IFT56: variants seen among roughly 807,000 people sequenced by gnomAD.
IFT56 encodes the protein intraflagellar transport 56.
the IFT56 span, among the ~76,000 whole-genome samples, chr7:139,182,820 A>T: frequency 6.6e-6 from 1 of 152,204 alleles, no homozygotes; most frequent in Admixed American, 6.5e-5. Flanking sequence ...GCTTTTCATT[A>T]CTTTTTCTTG....
the IFT56 span, chr7:139,172,964 G>A: frequency 6.9e-6 from 5 of 726,946 alleles, no homozygotes; most frequent in East Asian, 2.7e-5. Context: ...TGCTGCTGGC[G>A]CTTGGGCTGA....
At chr7:139,163,172 G>A in the IFT56 span, among the ~76,000 whole-genome samples, 3 of 151,554 alleles carry the variant, frequency 2.0e-5, no homozygotes, top group South Asian at 2.1e-4. Context: ...GTGAAACCCC[G>A]TCTCTACCAA....
At chr7:139,153,592 C>T in the IFT56 span, among the ~76,000 whole-genome samples, 1 of 152,136 alleles carries the variant, frequency 6.6e-6, no homozygotes, top group Non-Finnish European at 1.5e-5. Flanking sequence ...AATATTTGGT[C>T]TTTATGATCG....
chr7:139,179,629 G>A, the IFT56 span: 1 of 1,613,458 alleles, frequency 6.2e-7, no homozygotes, highest in East Asian at 2.2e-5. Context: ...TACCTCAGCT[G>A]GTTAGCTCGG....
chr7:139,139,948 C>T, the IFT56 span: 1 of 1,612,960 alleles, frequency 6.2e-7, no homozygotes, highest in Non-Finnish European at 8.5e-7. Flanking sequence ...GTGAACCTAG[C>T]TTGCACCTAC....
At chr7:139,161,731 A>G in the IFT56 span, among the ~76,000 whole-genome samples, 20,777 of 152,026 alleles carry the variant, frequency 0.14, 2,754 homozygotes, top group African/African-American at 0.3. Context: ...TTTATCTCCA[A>G]TCTCTATTCA....
the IFT56 span, chr7:139,169,171 G>T: frequency 1.2e-6 from 1 of 861,532 alleles, no homozygotes; most frequent in Non-Finnish European, 1.8e-6. Flanking sequence ...GTATTGTTTG[G>T]GGCAAGATTT....
the IFT56 span, among the ~76,000 whole-genome samples, chr7:139,145,223 T>G: frequency 6.6e-6 from 1 of 152,204 alleles, no homozygotes; most frequent in Non-Finnish European, 1.5e-5. Flanking sequence ...TCTATTTTTT[T>G]GTCCATTAAG....
chr7:139,143,244 C>A, the IFT56 span, among the ~76,000 whole-genome samples: 2 of 152,136 alleles, frequency 1.3e-5, no homozygotes, highest in African/African-American at 4.8e-5. Flanking sequence ...TAATCATCCA[C>A]AGGCATTATA....
At chr7:139,187,864 G>GTT in the IFT56 span, among the ~76,000 whole-genome samples, 1 of 140,240 alleles carries the variant, frequency 7.1e-6, no homozygotes, top group African/African-American at 2.6e-5. Context: ...TAGGCAAAGT[G>GTT]TTTTTTTTTT....
At chr7:139,186,067 G>T in the IFT56 span, among the ~76,000 whole-genome samples, 1 of 151,406 alleles carries the variant, frequency 6.6e-6, no homozygotes, top group East Asian at 1.9e-4. Context: ...ACCATAAAGA[G>T]AGTTGCCCAG....
At chr7:139,179,542 A>C in the IFT56 span, 1 of 1,592,074 alleles carries the variant, frequency 6.3e-7, no homozygotes, top group Non-Finnish European at 8.6e-7. Context: ...AAGCATCCTC[A>C]TGTGTATTCC....
the IFT56 span, among the ~76,000 whole-genome samples, chr7:139,183,238 G>A: frequency 3.3e-5 from 5 of 152,242 alleles, no homozygotes; most frequent in Middle Eastern, 3.4e-3. Context: ...TGAAAAACAA[G>A]TTGGCATTAC....
the IFT56 span, among the ~76,000 whole-genome samples, chr7:139,137,377 G>A: frequency 2.0e-5 from 3 of 152,158 alleles, no homozygotes; most frequent in South Asian, 2.1e-4. Flanking sequence ...AAATATATGC[G>A]TGTGTTAATG....
the IFT56 span, among the ~76,000 whole-genome samples, chr7:139,150,923 C>T: frequency 2.0e-5 from 3 of 152,218 alleles, no homozygotes; most frequent in African/African-American, 4.8e-5. Context: ...AATACACACA[C>T]ACAAAATGTC....
chr7:139,187,689 C>A, the IFT56 span: 1 of 1,011,760 alleles, frequency 9.9e-7, no homozygotes, highest in Non-Finnish European at 1.4e-6. Flanking sequence ...ATATTTCTGT[C>A]TGACCATTTT....
At chr7:139,136,686 C>T in the IFT56 span, among the ~76,000 whole-genome samples, 2 of 152,146 alleles carry the variant, frequency 1.3e-5, no homozygotes, top group Non-Finnish European at 2.9e-5. Context: ...CCAGGCTGGT[C>T]TTGAACTCCT....
the IFT56 span, among the ~76,000 whole-genome samples, chr7:139,147,622 C>T: frequency 3.3e-5 from 5 of 152,084 alleles, no homozygotes; most frequent in African/African-American, 9.7e-5. Flanking sequence ...TTTCATCCTC[C>T]CATTAAGAAC....
the IFT56 span, among the ~76,000 whole-genome samples, chr7:139,186,928 A>C: frequency 2.7e-5 from 4 of 150,236 alleles, no homozygotes; most frequent in Non-Finnish European, 4.4e-5. Context: ...CCCCGTCTCT[A>C]CTAAAAATAC....
Sources: gnomAD v4.1 joint callset for allele counts (sites outside exome capture counted in the v4.1 genomes callset) on GRCh38, gnomAD v4.1.1 for gene constraint, MANE v1.5 for transcripts, NCBI Gene and HGNC (gene_info 2026-07-23, HGNC 2026-07-21) for gene names.